The following DIP2C variants were observed in gnomAD, a reference collection of about 807,000 sequenced individuals.
The protein encoded by DIP2C is disco-interacting protein 2 homolog C.
DIP2C carries 33 observed loss-of-function variants against 192.4 expected under a neutral mutation model. That is an observed-to-expected ratio of 0.17 (90% CI 0.13 to 0.23). The LOEUF is 0.23. Among genes scored for constraint, DIP2C ranks in the 10% least tolerant of loss-of-function variants. The pLI, the probability that DIP2C is intolerant of heterozygous loss-of-function variation, is 1.00. For synonymous variants in DIP2C, 979 were observed against 864.1 expected (o/e 1.13, Z -2.33); for missense variants, 1,537 against 2,110.1 (o/e 0.73, Z 5.32).
Position 472,506 on chromosome 10 carries a change from A to C in DIP2C, c.201T>G (p.Thr67=), listed in dbSNP as rs765633745. Residue 67 remains threonine, a synonymous_variant, in exon 3 of 37, where the codon ACT becomes ACG. Transcript: ENST00000280886. ...ALPQERRAPV[T]PSSASRYHRR... ...GGTGGTAGCGAGAGGCGGAGGAAGG[A>C]GTGACAGGAGCCCGGCGTTCTTGCG... 6.2e-7 allele frequency: 1 copy of C among 1,614,192 alleles called. No individual in the cohort carries two copies. Among genetic ancestry groups the C allele is most frequent in the Non-Finnish European group, 8.5e-7 (1 of 1,180,032 alleles).
chr10:327,600 C>T (rs1384580457), intron 30 of DIP2C, among the ~76,000 whole-genome samples: 2 of 152,162 alleles, frequency 1.3e-5, no homozygotes, highest in East Asian at 3.9e-4. Flanking sequence ...TCTTGCTATG[C>T]TGCCCAGGCT....
intron 14 of DIP2C, 111 bp from the exon 15 acceptor site, chr10:384,750 G>C (rs1287869323): frequency 9.6e-7 from 1 of 1,044,182 alleles, no homozygotes; most frequent in Non-Finnish European, 1.4e-6. Flanking sequence ...AGCTCTCAGG[G>C]AGCGCTGCAG....
At chr10:521,482 C>T (rs1377136553) in intron 1 of DIP2C, among the ~76,000 whole-genome samples, 3 of 152,312 alleles carry the variant, frequency 2.0e-5, no homozygotes, top group African/African-American at 4.8e-5. Flanking sequence ...CCTCTCTGCC[C>T]CCCAAAGCCT....
chr10:589,788 G>A (rs1471615587), intron 1 of DIP2C, among the ~76,000 whole-genome samples: 6 of 152,194 alleles, frequency 3.9e-5, no homozygotes. Context: ...ATGCAGAGGT[G>A]AGGCCTCAAA....
At chr10:524,215 T>G (rs1243121055) in intron 1 of DIP2C, among the ~76,000 whole-genome samples, 2 of 152,186 alleles carry the variant, frequency 1.3e-5, no homozygotes, top group African/African-American at 4.8e-5. Context: ...CAGGCAATCC[T>G]GGCAACCACC....
intron 32 of DIP2C, among the ~76,000 whole-genome samples, chr10:301,058 G>GCT (rs1158399299): frequency 6.6e-6 from 1 of 152,158 alleles, no homozygotes; most frequent in Non-Finnish European, 1.5e-5. Flanking sequence ...AGGAGGGTAG[G>GCT]CTCAGCAGCA....
rs1465183037 is a variant in DIP2C at position 462,833 on chromosome 10, T to A, written c.268+9606A>T. 5.3e-5 allele frequency among the ~76,000 whole-genome samples: 8 copies of A among 152,200 alleles called. 1 individual carries two copies. The highest frequency in any genetic ancestry group is 5.2e-4 in the Admixed American group (8 of 15,284). Reference sequence around the variant, plus strand: ...CCGATCCACCATGATCAAATAGGCTTCATCCCTGGGATGCAAGGCTGGTTC... The same window carrying A: ...CCGATCCACCATGATCAAATAGGCTACATCCCTGGGATGCAAGGCTGGTTC... On this transcript the variant is annotated intron_variant, in intron 3 of 36. Coordinates refer to ENST00000280886, the MANE Select transcript of DIP2C (RefSeq NM_014974.3).
At chr10:474,287 T>C (rs547308033) in intron 2 of DIP2C, among the ~76,000 whole-genome samples, 4 of 152,340 alleles carry the variant, frequency 2.6e-5, no homozygotes, top group East Asian at 3.9e-4. Flanking sequence ...GCGTCCGCAG[T>C]GTGCTACAAA....
intron 1 of DIP2C, among the ~76,000 whole-genome samples, chr10:532,628 GGT>G (rs376741235): frequency 5.8e-5 from 7 of 120,508 alleles, no homozygotes; most frequent in East Asian, 2.5e-4. Context: ...AGAGAGTATG[GGT>G]GTGAGAGAGA....
chr10:418,050 T>TCGGATAGGCC (rs1965884451), intron 6 of DIP2C, among the ~76,000 whole-genome samples: 1 of 26,250 alleles, frequency 3.8e-5, no homozygotes, highest in African/African-American at 1.3e-4. Flanking sequence ...CTGTCAGGGC[T>TCGGATAGGCC]TCGATAGGCC....
intron 28 of DIP2C, among the ~76,000 whole-genome samples, chr10:342,176 T>C (rs72653042): frequency 6.6e-6 from 1 of 151,738 alleles, no homozygotes; most frequent in Non-Finnish European, 1.5e-5. Context: ...TTTTTTTTTT[T>C]GAGATGGAGT....
chr10:531,989 C>A (rs960851202), intron 1 of DIP2C, among the ~76,000 whole-genome samples: 3 of 152,204 alleles, frequency 2.0e-5, no homozygotes, highest in Non-Finnish European at 4.4e-5. Flanking sequence ...TACCAACCGG[C>A]TCCAAAATAC....
intron 1 of DIP2C, among the ~76,000 whole-genome samples, chr10:576,138 G>A (rs955333319): frequency 6.6e-5 from 10 of 152,214 alleles, no homozygotes; most frequent in Non-Finnish European, 1.5e-4. Flanking sequence ...TACGCTGTCG[G>A]ATTCCAGATG....
At chr10:479,307 A>T (rs1035852758) in intron 2 of DIP2C, among the ~76,000 whole-genome samples, 2 of 146,234 alleles carry the variant, frequency 1.4e-5, no homozygotes, top group African/African-American at 5.0e-5. Context: ...ACCTGCCCTA[A>T]CCCCATGAAT....
At chr10:421,199 A>C (rs1966160243) in intron 5 of DIP2C, among the ~76,000 whole-genome samples, 1 of 152,178 alleles carries the variant, frequency 6.6e-6, no homozygotes, top group South Asian at 2.1e-4. Context: ...CGAGAGTTAC[A>C]TTTGGGTCAC....
chr10:513,918 G>A (rs1018972940), intron 1 of DIP2C, among the ~76,000 whole-genome samples: 9 of 152,210 alleles, frequency 5.9e-5, no homozygotes, highest in African/African-American at 2.2e-4. Context: ...GGAAGCCACG[G>A]CCAAATGCCA....
chr10:304,717 GCA>G (rs1310190468), intron 32 of DIP2C, among the ~76,000 whole-genome samples: 2 of 151,244 alleles, frequency 1.3e-5, no homozygotes, highest in African/African-American at 2.4e-5. Flanking sequence ...TCATCTGCAT[GCA>G]CACACGTACA....
At chr10:476,309 T>C (rs1843026227) in intron 2 of DIP2C, among the ~76,000 whole-genome samples, 1 of 152,204 alleles carries the variant, frequency 6.6e-6, no homozygotes, top group African/African-American at 2.4e-5. Flanking sequence ...GATCCGGTCC[T>C]CCGGGGACGG....
chr10:299,064 C>T (rs977824400), intron 32 of DIP2C, among the ~76,000 whole-genome samples: 1 of 152,198 alleles, frequency 6.6e-6, no homozygotes, highest in African/African-American at 2.4e-5. Context: ...ATAAAGAACA[C>T]TTCTAACACC....
Sources: allele counts gnomAD v4.1 joint callset (sites outside exome capture counted in the v4.1 genomes callset), GRCh38; gene constraint gnomAD v4.1.1; transcripts MANE v1.5; gene names NCBI Gene and HGNC (gene_info 2026-07-23, HGNC 2026-07-21).